The following MYT1L variants were observed in gnomAD, a reference collection of about 807,000 sequenced individuals.
MYT1L encodes myelin transcription factor 1 like.
In MYT1L, 12 loss-of-function variants were observed where a neutral mutation model predicts 126.7. The observed-to-expected ratio is 0.09, with a 90% CI of 0.06 to 0.15. The LOEUF (loss-of-function observed/expected upper bound fraction) is 0.15, where lower values mean the gene tolerates loss of function less well. MYT1L is among the 10% of genes least tolerant of loss of function. The pLI, the probability that MYT1L is intolerant of heterozygous loss-of-function variation, is 1.00. For synonymous variants in MYT1L, 541 were observed against 604.2 expected (o/e 0.90, Z 1.53); for missense variants, 979 against 1,585.2 (o/e 0.62, Z 6.49).
In MYT1L at chr2:1,848,392, G is replaced by T. The variant is rs188796038; in HGVS notation, c.2774+3249C>A. On this transcript the variant is annotated intron_variant, in intron 19 of 24. Transcript: ENST00000647738. The surrounding 1 kb of genome is among the most constrained non-coding windows in gnomAD (Gnocchi z 4.8). ...GGAGGGAGAATTCCAGACACCACAG[G>T]TGCGCGAGGCGGATCTGTGCTCTGA... Among the ~76,000 whole-genome samples the T allele has an allele frequency of 6.6e-6, 1 of 151,634 alleles. No individual in the cohort carries two copies. Among genetic ancestry groups the T allele is most frequent in the Non-Finnish European group, 1.5e-5 (1 of 67,948 alleles).
intron 18 of MYT1L, among the ~76,000 whole-genome samples, chr2:1,877,571 CA>C (rs1201292672): frequency 6.6e-6 from 1 of 152,064 alleles, no homozygotes; most frequent in Non-Finnish European, 1.5e-5. Context: ...TATCCTTGTT[CA>C]GTAAGAGTGC....
chr2:2,024,525 G>C (rs1219839452), intron 4 of MYT1L, among the ~76,000 whole-genome samples: 1 of 152,164 alleles, frequency 6.6e-6, no homozygotes, highest in Non-Finnish European at 1.5e-5. Flanking sequence ...CCTAGATTCT[G>C]TTCTTGAGCC....
At chr2:1,902,428 CA>C (rs2050472499) in intron 14 of MYT1L, among the ~76,000 whole-genome samples, 1 of 152,220 alleles carries the variant, frequency 6.6e-6, no homozygotes, top group African/African-American at 2.4e-5. Flanking sequence ...TCCCCAGTCA[CA>C]GGGGGACTCC....
chr2:2,098,575 T>G (rs990900109), intron 3 of MYT1L, among the ~76,000 whole-genome samples: 4 of 152,176 alleles, frequency 2.6e-5, no homozygotes, highest in African/African-American at 9.7e-5. Context: ...AGGAGGGTGA[T>G]CTGGTATCCA....
At chr2:1,817,470 A>G (rs1259398395) in intron 21 of MYT1L, among the ~76,000 whole-genome samples, 1 of 152,244 alleles carries the variant, frequency 6.6e-6, no homozygotes, top group Non-Finnish European at 1.5e-5. Context: ...TAATGGTGTT[A>G]TTTAAGGAGC....
In MYT1L at chr2:1,979,327, A is replaced by T. The variant is rs2060422683; in HGVS notation, c.90-100T>A. 2.7e-5 allele frequency: 32 copies of T among 1,196,776 alleles called. No homozygotes were observed. In the South Asian group the frequency reaches 3.9e-4, roughly 14 times the overall value. 74.1% of individuals were successfully genotyped at this position (1,196,776 alleles called of 1,614,324 possible). ...AGAAGGAGGGCGGCTCAGACAGAGGAGAGAAATCACACAATCCAAAGGAGG... is the reference window on the plus strand; with the variant it reads ...AGAAGGAGGGCGGCTCAGACAGAGGTGAGAAATCACACAATCCAAAGGAGG... On this transcript the variant is annotated intron_variant, in intron 7 of 24. Coordinates refer to ENST00000647738, the MANE Select transcript of MYT1L (RefSeq NM_001303052.2). This position sits in a 1 kb window ranked among gnomAD's most constrained non-coding sequence, Gnocchi z 4.0.
chr2:2,032,950 C>T (rs868260487), intron 4 of MYT1L, among the ~76,000 whole-genome samples: 9 of 147,112 alleles, frequency 6.1e-5, no homozygotes, highest in Middle Eastern at 3.8e-3. Context: ...TGCCTCTCAC[C>T]CTGTGGCCCA....
intron 8 of MYT1L, among the ~76,000 whole-genome samples, chr2:1,951,626 C>G (rs528425230): frequency 6.6e-6 from 1 of 152,168 alleles, no homozygotes; most frequent in Non-Finnish European, 1.5e-5. Flanking sequence ...CAGGATCTGC[C>G]CCTGTTTAAC....
intron 18 of MYT1L, among the ~76,000 whole-genome samples, chr2:1,881,110 C>T (rs1573171729): frequency 1.3e-5 from 2 of 152,238 alleles, no homozygotes; most frequent in South Asian, 2.1e-4. Context: ...CTGGGTCCCT[C>T]CCTTAATAAT....
At chr2:1,884,238 TAG>T (rs1363005547) in intron 18 of MYT1L, 3 of 152,232 alleles carry the variant, frequency 2.0e-5, no homozygotes, top group African/African-American at 4.8e-5. Flanking sequence ...TATGAACGAT[TAG>T]AGACTGTTAC....
At chr2:1,964,275 A>G (rs191505460) in intron 8 of MYT1L, among the ~76,000 whole-genome samples, 1 of 152,348 alleles carries the variant, frequency 6.6e-6, no homozygotes, top group Non-Finnish European at 1.5e-5. Flanking sequence ...CCAAACAATC[A>G]CAGTGGTACC....
intron 3 of MYT1L, among the ~76,000 whole-genome samples, chr2:2,095,945 A>G (rs2077419169): frequency 6.6e-6 from 1 of 152,026 alleles, no homozygotes; most frequent in Non-Finnish European, 1.5e-5. Context: ...GATGCCGCTG[A>G]GGAGGAGCCC....
At chr2:2,104,865 T>A (rs2078553564) in intron 3 of MYT1L, among the ~76,000 whole-genome samples, 1 of 152,112 alleles carries the variant, frequency 6.6e-6, no homozygotes, top group South Asian at 2.1e-4. Flanking sequence ...CCTGTTCTCA[T>A]CCGAAGTTCT....
chr2:2,127,624 C>T lies in MYT1L; in HGVS notation c.-304+45248G>A, dbSNP rs547445043. ...GCACTAGCATCCCTTCGTTTCTCTC[C>T]GTCCTGAGTGTTATGTAAATGAACC... is the stretch of plus-strand genomic sequence containing the variant. On this transcript the variant is annotated intron_variant, in intron 3 of 24. Coordinates refer to ENST00000647738, the MANE Select transcript of MYT1L (RefSeq NM_001303052.2). 5.6e-4 allele frequency among the ~76,000 whole-genome samples: 86 copies of T among 152,312 alleles called. 1 individual carries two copies. Among genetic ancestry groups the T allele is most frequent in the African/African-American group, 2.0e-3 (82 of 41,572 alleles).
chr2:2,259,867 A>G (rs2094918811), intron 2 of MYT1L, among the ~76,000 whole-genome samples: 1 of 152,190 alleles, frequency 6.6e-6, no homozygotes, highest in Non-Finnish European at 1.5e-5. Flanking sequence ...TTTCATATAG[A>G]AAGAAAAAGA....
chr2:1,849,734 C>A (rs763753049), intron 19 of MYT1L, among the ~76,000 whole-genome samples: 5 of 152,216 alleles, frequency 3.3e-5, no homozygotes. Context: ...GAGAATCCTC[C>A]CACAAGTTGC....
intron 9 of MYT1L, among the ~76,000 whole-genome samples, chr2:1,937,961 GC>G (rs1394886507): frequency 6.6e-6 from 1 of 152,222 alleles, no homozygotes; most frequent in African/African-American, 2.4e-5. Context: ...ACCGGATTTA[GC>G]CCCGTGATCA....
intron 3 of MYT1L, among the ~76,000 whole-genome samples, chr2:2,165,903 A>G (rs1416526241): frequency 6.6e-6 from 1 of 151,110 alleles, no homozygotes; most frequent in Non-Finnish European, 1.5e-5. Flanking sequence ...TCTACTTTGT[A>G]AAAAAATAAA....
At chr2:1,990,506 G>A (rs1166276209) in intron 5 of MYT1L, among the ~76,000 whole-genome samples, 1 of 152,200 alleles carries the variant, frequency 6.6e-6, no homozygotes, top group Non-Finnish European at 1.5e-5. Context: ...CACTGCGGGT[G>A]CCATGGAGGG....
Sources: allele counts gnomAD v4.1 joint callset (sites outside exome capture counted in the v4.1 genomes callset), GRCh38; gene constraint gnomAD v4.1.1; non-coding constraint Gnocchi (gnomAD v3.1); transcripts MANE v1.5; gene names NCBI Gene and HGNC (gene_info 2026-07-23, HGNC 2026-07-21).